Variants in ASIC2 observed in about 807,000 individuals in gnomAD.
The protein encoded by ASIC2 is acid sensing ion channel subunit 2, also known as acid-sensing ion channel 2.
Under a neutral mutation model 57.3 loss-of-function variants are expected in ASIC2, and 25 were observed. That is an observed-to-expected ratio of 0.44 (90% CI 0.32 to 0.61). The LOEUF (loss-of-function observed/expected upper bound fraction) is 0.61, where lower values mean the gene tolerates loss of function less well. Among genes scored for constraint, ASIC2 ranks in the 20% least tolerant of loss-of-function variants. The probability of loss-of-function intolerance (pLI) is 0.06; values close to 1 mark genes in which losing one functional copy is unlikely to be tolerated. For synonymous variants in ASIC2, 319 were observed against 307.5 expected (o/e 1.04, Z -0.39); for missense variants, 641 against 738.1 (o/e 0.87, Z 1.52).
At chr17:33,714,955 C>G (rs1909166646) in intron 1 of ASIC2, among the ~76,000 whole-genome samples, 2 of 149,644 alleles carry the variant, frequency 1.3e-5, no homozygotes, top group South Asian at 4.2e-4. Context: ...GCAGCTGGGA[C>G]TACAGGCTCA....
intron 1 of ASIC2, among the ~76,000 whole-genome samples, chr17:34,151,824 T>C (rs1904537166): frequency 6.6e-6 from 1 of 152,090 alleles, no homozygotes; most frequent in Admixed American, 6.5e-5. Context: ...TAGTAGGCCT[T>C]CACATATTTT....
intron 3 of ASIC2, among the ~76,000 whole-genome samples, chr17:33,058,333 G>A (rs866923024): frequency 3.0e-4 from 46 of 152,144 alleles, no homozygotes; most frequent in African/African-American, 1.0e-3. Context: ...AAAAGGATGG[G>A]AGATTTGTTT....
chr17:34,054,097 C>CT (rs1908672800), intron 1 of ASIC2, among the ~76,000 whole-genome samples: 1 of 152,262 alleles, frequency 6.6e-6, no homozygotes, highest in East Asian at 1.9e-4. Flanking sequence ...ACCGTATGTT[C>CT]TTTTCATGGA....
intron 1 of ASIC2, among the ~76,000 whole-genome samples, chr17:33,628,982 G>A (rs12946330): frequency 0.02 from 2,993 of 152,220 alleles, 99 homozygotes; most frequent in African/African-American, 0.066. Context: ...GGATGCGGCC[G>A]TTCTCCCCAT....
chr17:33,801,456 T>C (rs1912130714), intron 1 of ASIC2, among the ~76,000 whole-genome samples: 1 of 152,098 alleles, frequency 6.6e-6, no homozygotes. Context: ...TTTTGACACT[T>C]TTTATGACAT....
intron 1 of ASIC2, among the ~76,000 whole-genome samples, chr17:34,047,099 G>A (rs1460127295): frequency 6.6e-6 from 1 of 152,052 alleles, no homozygotes; most frequent in Non-Finnish European, 1.5e-5. Flanking sequence ...CCTAATAAAT[G>A]GTACAGCTGA....
intron 3 of ASIC2, among the ~76,000 whole-genome samples, chr17:33,071,969 G>A (rs944077315): frequency 1.3e-5 from 2 of 152,106 alleles, no homozygotes; most frequent in African/African-American, 2.4e-5. Flanking sequence ...CTGGTTTTGG[G>A]TAGTTTTCTC....
At chr17:33,791,485 C>T (rs1449624821) in intron 1 of ASIC2, among the ~76,000 whole-genome samples, 1 of 152,074 alleles carries the variant, frequency 6.6e-6, no homozygotes, top group Non-Finnish European at 1.5e-5. Flanking sequence ...GTCTGCCCTC[C>T]AAAAAATTCA....
intron 1 of ASIC2, among the ~76,000 whole-genome samples, chr17:33,175,993 C>CA (rs1193107713): frequency 6.6e-6 from 1 of 152,210 alleles, no homozygotes; most frequent in Non-Finnish European, 1.5e-5. Flanking sequence ...TTGTGCTGTA[C>CA]ACCCAGCAAG....
At chr17:33,298,711 C>G (rs967769927) in intron 1 of ASIC2, among the ~76,000 whole-genome samples, 1 of 152,192 alleles carries the variant, frequency 6.6e-6, no homozygotes, top group Non-Finnish European at 1.5e-5. Context: ...TACAGTCCCA[C>G]CAACAGTGTA....
chr17:33,747,145 G>A (rs1312768785), intron 1 of ASIC2, among the ~76,000 whole-genome samples: 1 of 151,552 alleles, frequency 6.6e-6, no homozygotes, highest in African/African-American at 2.4e-5. Flanking sequence ...TGTCTTACAG[G>A]TATAAAGTTC....
At chr17:33,132,720 T>A (rs551213540) in intron 1 of ASIC2, among the ~76,000 whole-genome samples, 8 of 152,256 alleles carry the variant, frequency 5.3e-5, no homozygotes, top group Admixed American at 2.0e-4. Flanking sequence ...CCTGGCTTTA[T>A]GCAGGCATCT....
At chr17:34,011,010 ACAGATGCCAAAGT>A (rs1298887531) in intron 1 of ASIC2, among the ~76,000 whole-genome samples, 1 of 942 alleles carries the variant, frequency 1.1e-3, no homozygotes, top group African/African-American at 3.1e-3. Flanking sequence ...ACACACACAC[ACAGATGCCAAAGT>A]CAGACACATG....
At chr17:33,983,588 T>C (rs1905702862) in intron 1 of ASIC2, among the ~76,000 whole-genome samples, 1 of 152,188 alleles carries the variant, frequency 6.6e-6, no homozygotes, top group South Asian at 2.1e-4. Context: ...GGAATCCCTA[T>C]GGCCTCTGCC....
At chr17:33,176,406 A>G (rs970955103) in intron 1 of ASIC2, among the ~76,000 whole-genome samples, 25 of 152,250 alleles carry the variant, frequency 1.6e-4, no homozygotes, top group African/African-American at 5.3e-4. Flanking sequence ...GTACAGTGGC[A>G]CAATCATGGC....
At chr17:33,701,891 T>C (rs952120993) in intron 1 of ASIC2, among the ~76,000 whole-genome samples, 3 of 152,210 alleles carry the variant, frequency 2.0e-5, no homozygotes, top group African/African-American at 7.2e-5. Context: ...CTAAGATGTA[T>C]GTATTTCATT....
At chr17:33,373,821 G>C (rs1203498127) in intron 1 of ASIC2, among the ~76,000 whole-genome samples, 2 of 152,038 alleles carry the variant, frequency 1.3e-5, no homozygotes, top group African/African-American at 4.8e-5. Flanking sequence ...TGGGATTACA[G>C]AGGCCCACCA....
intron 1 of ASIC2, among the ~76,000 whole-genome samples, chr17:33,708,370 TC>T (rs1178763694): frequency 6.6e-6 from 1 of 151,906 alleles, no homozygotes; most frequent in Non-Finnish European, 1.5e-5. Context: ...TCCAAAGTTA[TC>T]TTGATATTTC....
rs377594005 is a variant in ASIC2 at position 33,718,439 on chromosome 17, C to T, written c.555+437539G>A. On this transcript the variant is annotated intron_variant, in intron 1 of 9. Transcript: ENST00000359872. ...AGAGAACTCAAGAGAGGCGATGGCT[C>T]TCCCTCATCTGCCAGGTGTCTCGGT... Among the ~76,000 whole-genome samples, 27 of 151,766 alleles carry T rather than the reference C, an allele frequency of 1.8e-4. No homozygotes were observed. In the East Asian group the frequency reaches 2.1e-3, roughly 12 times the overall value.
Sources: gnomAD v4.1 joint callset for allele counts (sites outside exome capture counted in the v4.1 genomes callset) on GRCh38, gnomAD v4.1.1 for gene constraint, MANE v1.5 for transcripts, NCBI Gene and HGNC (gene_info 2026-07-23, HGNC 2026-07-21) for gene names.